MIAT: variants seen among roughly 807,000 people sequenced by gnomAD.
MIAT encodes myocardial infarction associated transcript, also known as MI related novel mRNA.
At chr22:26,673,656 GGCTAACACAGGTTTGAACTT>G (rs1194489813), downstream of MIAT, 1 of 213,668 alleles carries the variant, frequency 4.7e-6, no homozygotes, top group East Asian at 5.4e-5. Flanking sequence ...CTTTGAACTT[GGCTAACACAGGTTTGAACTT>G]GGCTAACACA....
downstream of MIAT, chr22:26,671,089 CGTGTGTCT>C: frequency 2.5e-6 from 1 of 398,386 alleles, no homozygotes; most frequent in Non-Finnish European, 4.4e-6. Context: ...TGCGGGTGTG[CGTGTGTCT>C]GTCAGAGTGT....
intron 2 of MIAT, among the ~76,000 whole-genome samples, chr22:26,661,937 T>G (rs1021872391): frequency 4.3e-3 from 165 of 38,038 alleles, no homozygotes; most frequent in East Asian, 0.04. Context: ...TATATATATA[T>G]ATATATATAT....
chr22:26,669,626 A>G (rs891356243), exon 6 of MIAT: 2 of 398,580 alleles, frequency 5.0e-6, no homozygotes, highest in Non-Finnish European at 8.8e-6. Flanking sequence ...GGGAGGGGAC[A>G]CCATTCAGTT....
At chr22:26,661,857 C>T (rs962698326) in intron 2 of MIAT, among the ~76,000 whole-genome samples, 7 of 131,066 alleles carry the variant, frequency 5.3e-5, no homozygotes, top group African/African-American at 1.8e-4. Flanking sequence ...TTGCAGTTTA[C>T]ATATACCTTC....
intron 5 of MIAT, chr22:26,667,353 T>TGTGTGTGTGTGTGTGC (rs1491414770): frequency 2.5e-6 from 1 of 395,710 alleles, no homozygotes; most frequent in African/African-American, 2.1e-5. Context: ...TGTGTGTGTG[T>TGTGTGTGTGTGTGTGC]GCGTGTGCAC....
downstream of MIAT, chr22:26,672,178 G>A: frequency 2.5e-6 from 1 of 399,614 alleles, no homozygotes; most frequent in Non-Finnish European, 4.4e-6. Context: ...GCTGTGCTCT[G>A]ACTTACTAAC....
Position 26,661,049 on chromosome 22 carries a change from G to A in MIAT, n.647-2267G>A, listed in dbSNP as rs867586851. Among the ~76,000 whole-genome samples the A allele has an allele frequency of 6.6e-5, 10 of 152,354 alleles. No homozygotes were observed. The Middle Eastern group carries it at 0.01, about 155-fold the overall frequency. On this transcript the variant is annotated intron_variant and non_coding_transcript_variant, in intron 2 of 5. Coordinates refer to ENST00000643270, the Ensembl canonical transcript of MIAT. Reference sequence around the variant, plus strand: ...CTGAGTTCACTTATGTAGCCCCTGAGTCTTGTATGGATACTTAGTGATTTG... The same window carrying A: ...CTGAGTTCACTTATGTAGCCCCTGAATCTTGTATGGATACTTAGTGATTTG...
exon 4 of MIAT, chr22:26,666,704 G>A (rs1930855362): frequency 2.5e-6 from 1 of 398,680 alleles, no homozygotes; most frequent in Non-Finnish European, 4.4e-6. Flanking sequence ...GTTCTGGGGT[G>A]GAATAAAGAG....
At chr22:26,674,504 G>A, downstream of MIAT, 1 of 398,786 alleles carries the variant, frequency 2.5e-6, no homozygotes, top group African/African-American at 2.1e-5. Context: ...TTAGAGGCAG[G>A]TTGCTTGGGT....
chr22:26,652,606 T>G (rs1930355144), intron 2 of MIAT, among the ~76,000 whole-genome samples: 1 of 152,086 alleles, frequency 6.6e-6, no homozygotes, highest in African/African-American at 2.4e-5. Context: ...TCTGCCCCCC[T>G]CGGCCTCCCA....
intron 3 of MIAT, chr22:26,665,307 T>C: frequency 2.7e-6 from 1 of 367,428 alleles, no homozygotes; most frequent in Non-Finnish European, 4.7e-6. Context: ...TAACTTTGAG[T>C]CACACATTGA....
chr22:26,669,013 G>A (rs1930954124), exon 6 of MIAT: 1 of 398,434 alleles, frequency 2.5e-6, no homozygotes, highest in Non-Finnish European at 4.4e-6. Context: ...AAGGCTTAAG[G>A]GGTCACCTTA....
At chr22:26,675,681 T>C (rs1931236277) in exon 5 of MIAT, 1 of 398,574 alleles carries the variant, frequency 2.5e-6, no homozygotes, top group Non-Finnish European at 4.4e-6. Flanking sequence ...TGTCATCCCA[T>C]GGTGGTGGGA....
chr22:26,661,961 T>TAC (rs1555948831), intron 2 of MIAT, among the ~76,000 whole-genome samples: 1,537 of 42,564 alleles, frequency 0.036, 26 homozygotes, highest in South Asian at 0.057. Flanking sequence ...TATATATATA[T>TAC]ACACACACAC....
At chr22:26,671,068 T>C (rs1931027363), downstream of MIAT, 4 of 398,520 alleles carry the variant, frequency 1.0e-5, no homozygotes, top group East Asian at 1.4e-4. Flanking sequence ...GTCAGATCTT[T>C]TGCGGAGAGA....
At chr22:26,660,820 C>G (rs575650087) in intron 2 of MIAT, 1 of 152,220 alleles carries the variant, frequency 6.6e-6, no homozygotes, top group Non-Finnish European at 1.5e-5. Flanking sequence ...TACGCAGGTC[C>G]GTGTGCAAAT....
exon 6 of MIAT, chr22:26,668,402 G>T: frequency 2.5e-6 from 1 of 398,792 alleles, no homozygotes. Context: ...CAGCTCCAGG[G>T]GTATGAGGGA....
intron 2 of MIAT, among the ~76,000 whole-genome samples, chr22:26,649,402 T>C (rs983068709): frequency 3.3e-5 from 5 of 152,166 alleles, no homozygotes; most frequent in African/African-American, 1.2e-4. Context: ...GGTGGATTCC[T>C]CCCCACTATT....
chr22:26,656,385 C>A (rs1021452098), intron 2 of MIAT, among the ~76,000 whole-genome samples: 4 of 149,226 alleles, frequency 2.7e-5, no homozygotes, highest in Non-Finnish European at 5.9e-5. Flanking sequence ...AGTACAGTGG[C>A]GCGACCTCGG....
Sources: gnomAD v4.1 joint callset for allele counts (sites outside exome capture counted in the v4.1 genomes callset) on GRCh38, gnomAD v4.1.1 for gene constraint, MANE v1.5 for transcripts, NCBI Gene and HGNC (gene_info 2026-07-23, HGNC 2026-07-21) for gene names.